Variants in SOBP observed in about 807,000 individuals in gnomAD.
SOBP encodes the protein sine oculis binding protein homolog.
Under a neutral mutation model 53.6 loss-of-function variants are expected in SOBP, and 4 were observed. The observed-to-expected ratio is 0.07, with a 90% CI of 0.04 to 0.17. The LOEUF (loss-of-function observed/expected upper bound fraction) is 0.17, where lower values mean the gene tolerates loss of function less well. Ranked by LOEUF, SOBP falls within the 10% of genes least tolerant of loss-of-function variation. The probability of loss-of-function intolerance (pLI) is 1.00; values close to 1 mark genes in which losing one functional copy is unlikely to be tolerated. For synonymous variants in SOBP, 584 were observed against 522.6 expected, an observed-to-expected ratio of 1.12 and a Z score of -1.60; for missense variants, 1,088 against 1,204.7, an observed-to-expected ratio of 0.90 and a Z score of 1.43.
intron 5 of SOBP, among the ~76,000 whole-genome samples, chr6:107,615,436 A>G (rs1388669165): frequency 6.6e-6 from 1 of 152,202 alleles, no homozygotes; most frequent in Non-Finnish European, 1.5e-5. Context: ...ACAAAGGCTG[A>G]GATAATCTTG....
At chr6:107,503,077 C>G (rs1271318306) in intron 1 of SOBP, among the ~76,000 whole-genome samples, 1 of 152,098 alleles carries the variant, frequency 6.6e-6, no homozygotes, top group African/African-American at 2.4e-5. Context: ...TGAAAAAACT[C>G]TTGCAGAAGG....
intron 4 of SOBP, among the ~76,000 whole-genome samples, chr6:107,555,454 G>A (rs1034272805): frequency 6.6e-6 from 1 of 152,156 alleles, no homozygotes; most frequent in Non-Finnish European, 1.5e-5. Context: ...TCCACAGTGA[G>A]TTCTCGCCCA....
chr6:107,506,934 A>C (rs565001002), intron 3 of SOBP, among the ~76,000 whole-genome samples: 1 of 151,860 alleles, frequency 6.6e-6, no homozygotes, highest in Non-Finnish European at 1.5e-5. Context: ...GCGGGCTAGT[A>C]ATTAGCTAGT....
chr6:107,565,879 A>G (rs559856518), intron 4 of SOBP, among the ~76,000 whole-genome samples: 134 of 152,368 alleles, frequency 8.8e-4, no homozygotes, highest in Admixed American at 3.1e-3. Flanking sequence ...CCTCCTGTGC[A>G]GGGAAAGCAG....
intron 1 of SOBP, among the ~76,000 whole-genome samples, chr6:107,496,382 A>G (rs568033671): frequency 2.6e-5 from 4 of 152,334 alleles, no homozygotes; most frequent in African/African-American, 9.6e-5. Context: ...ATGTGGGGAC[A>G]TGATTGTTTG....
chr6:107,494,620 A>C (rs1782654509), intron 1 of SOBP, among the ~76,000 whole-genome samples: 1 of 152,246 alleles, frequency 6.6e-6, no homozygotes, highest in Admixed American at 6.5e-5. Context: ...TTCCTAAACA[A>C]ACCATAATTA....
intron 1 of SOBP, among the ~76,000 whole-genome samples, chr6:107,498,676 T>G (rs1782759022): frequency 6.6e-6 from 1 of 152,178 alleles, no homozygotes; most frequent in Non-Finnish European, 1.5e-5. Context: ...CCTGGCAGTG[T>G]AAGATGCAAC....
chr6:107,575,483 G>C (rs1227143607), intron 4 of SOBP, among the ~76,000 whole-genome samples: 5 of 152,136 alleles, frequency 3.3e-5, no homozygotes, highest in Non-Finnish European at 5.9e-5. Context: ...GCAACACTGG[G>C]TGGTTGAGAG....
At chr6:107,498,316 G>A (rs1782750122) in intron 1 of SOBP, among the ~76,000 whole-genome samples, 1 of 152,166 alleles carries the variant, frequency 6.6e-6, no homozygotes, top group Non-Finnish European at 1.5e-5. Context: ...GCTGTCTTGG[G>A]TAGAATACAA....
intron 3 of SOBP, among the ~76,000 whole-genome samples, chr6:107,513,762 A>C (rs1276181497): frequency 6.6e-6 from 1 of 151,890 alleles, no homozygotes. Context: ...AGGTTCACTG[A>C]ACCCTCAGTT....
At chr6:107,497,554 G>A (rs1187657660) in intron 1 of SOBP, among the ~76,000 whole-genome samples, 1 of 151,876 alleles carries the variant, frequency 6.6e-6, no homozygotes, top group Non-Finnish European at 1.5e-5. Flanking sequence ...CGCAATTACT[G>A]TCAACATTTT....
At chr6:107,526,843 T>C (rs553000404) in intron 3 of SOBP, among the ~76,000 whole-genome samples, 1 of 152,338 alleles carries the variant, frequency 6.6e-6, no homozygotes, top group East Asian at 1.9e-4. Flanking sequence ...TGGAACCAAT[T>C]TTTAATTTAT....
At chr6:107,646,966 T>C (rs1362294086) in intron 6 of SOBP, among the ~76,000 whole-genome samples, 1 of 152,188 alleles carries the variant, frequency 6.6e-6, no homozygotes, top group Non-Finnish European at 1.5e-5. Flanking sequence ...AGGAAATGTA[T>C]AAAGTGTGGC....
At chr6:107,495,363 C>G (rs1782673089) in intron 1 of SOBP, among the ~76,000 whole-genome samples, 1 of 152,200 alleles carries the variant, frequency 6.6e-6, no homozygotes, top group Non-Finnish European at 1.5e-5. Context: ...ATGGTCTGTT[C>G]AAACCAGGAG....
Position 107,564,844 on chromosome 6 carries a change from G to A in SOBP, c.574-22236G>A, listed in dbSNP as rs536186406. 4.0e-4 allele frequency among the ~76,000 whole-genome samples: 61 copies of A among 152,262 alleles called. No individual in the cohort carries two copies. In the South Asian group the frequency reaches 9.5e-3, roughly 24 times the overall value. ...CTGAGATACCAAATATTTTTCCAGC[G>A]TTTCTCTGTTGCTTAGGAAACCCAT... On this transcript the variant is annotated intron_variant, in intron 4 of 6. Coordinates refer to ENST00000317357, the MANE Select transcript of SOBP (RefSeq NM_018013.4).
chr6:107,646,361 G>T (rs1344766155), intron 6 of SOBP, among the ~76,000 whole-genome samples: 1 of 152,236 alleles, frequency 6.6e-6, no homozygotes, highest in Non-Finnish European at 1.5e-5. Flanking sequence ...AAAGAAGGAA[G>T]ATGCTGGCTT....
chr6:107,504,570 C>G (rs1296622956), intron 2 of SOBP, among the ~76,000 whole-genome samples: 1 of 152,184 alleles, frequency 6.6e-6, no homozygotes, highest in Non-Finnish European at 1.5e-5. Flanking sequence ...GCAGCCCATT[C>G]AGGAAACTTT....
chr6:107,602,141 T>A (rs1786203144), intron 5 of SOBP, among the ~76,000 whole-genome samples: 1 of 152,228 alleles, frequency 6.6e-6, no homozygotes, highest in Non-Finnish European at 1.5e-5. Flanking sequence ...TCCATTAACT[T>A]TTTGAGTCAC....
intron 4 of SOBP, among the ~76,000 whole-genome samples, chr6:107,582,235 C>G (rs897084591): frequency 6.6e-6 from 1 of 152,090 alleles, no homozygotes; most frequent in South Asian, 2.1e-4. Context: ...AGGAAGAATG[C>G]CTAGCTTGCT....
Sources: gnomAD v4.1 joint callset for allele counts (sites outside exome capture counted in the v4.1 genomes callset) on GRCh38, gnomAD v4.1.1 for gene constraint, MANE v1.5 for transcripts, NCBI Gene and HGNC (gene_info 2026-07-23, HGNC 2026-07-21) for gene names.